ARHGEF40: variants seen among roughly 807,000 people sequenced by gnomAD.
The protein encoded by ARHGEF40 is Rho guanine nucleotide exchange factor (GEF) 40.
ARHGEF40 carries 98 observed loss-of-function variants against 165.9 expected under a neutral mutation model. The observed-to-expected ratio is 0.59, with a 90% confidence interval of 0.50 to 0.70. The LOEUF (loss-of-function observed/expected upper bound fraction) is 0.70, where lower values mean the gene tolerates loss of function less well. Ranked by LOEUF, ARHGEF40 falls within the 30% of genes least tolerant of loss-of-function variation. ARHGEF40 has a pLI of 0.00. For synonymous variants in ARHGEF40, 792 were observed against 814.3 expected (o/e 0.97, Z 0.47); for missense variants, 1,815 against 1,968.0 (o/e 0.92, Z 1.47).
Position 21,081,805 on chromosome 14 carries a change from G to A in ARHGEF40, c.2937G>A (p.Gln979=), listed in dbSNP as rs769604818. Residue 979 remains glutamine, a synonymous_variant, in exon 14 of 24, where the codon CAG becomes CAA. Transcript: ENST00000298694. Reference sequence around the variant, plus strand: ...ACGGTGCCAGCAGTGGAGGGGCCCAGTGGGGGCCCCGCAGCCCCTCGCCCA... The same window carrying A: ...ACGGTGCCAGCAGTGGAGGGGCCCAATGGGGGCCCCGCAGCCCCTCGCCCA... ...RADGASSGGA[Q]WGPRSPSPSL... is the part of the protein sequence containing the mutation. The A allele has an allele frequency of 7.5e-6, 12 of 1,602,446 alleles. No homozygotes were observed. The highest frequency in any genetic ancestry group is 1.0e-5 in the Non-Finnish European group (12 of 1,175,762).
intron 11 of ARHGEF40, 106 bp downstream of exon 11, chr14:21,079,116 T>C (rs1052219535): frequency 7.0e-7 from 1 of 1,428,212 alleles, no homozygotes; most frequent in African/African-American, 1.4e-5. Context: ...CCTGGCTTGG[T>C]TGAACGCCCC....
upstream of ARHGEF40, among the ~76,000 whole-genome samples, chr14:21,066,770 T>C (rs1886292547): frequency 6.6e-6 from 1 of 152,262 alleles, no homozygotes; most frequent in African/African-American, 2.4e-5. Flanking sequence ...TGGACCTTGA[T>C]GACACTTAGT....
chr14:21,081,926 G>C lies in ARHGEF40; in HGVS notation c.3058G>C (p.Gly1020Arg). ...APCGEDYEEE[G>R]PELAPEAEGR... ...ATGTGGAGAGGACTATGAGGAAGAG[G>C]GCCCTGAGCTGGCTCCAGAAGCAGA... is the stretch of plus-strand genomic sequence containing the variant. The change falls in exon 14 of 24, where the codon GGC becomes CGC. Residue 1020 changes from glycine (G) to arginine (R), a missense_variant. Physicochemically the swap from Gly to Arg is moderately radical, Grantham distance 125 (BLOSUM62 -2). Transcript: ENST00000298694. The C allele has an allele frequency of 6.2e-7, 1 of 1,612,384 alleles. No individual in the cohort carries two copies. The highest frequency in any genetic ancestry group is 1.1e-5 in the South Asian group (1 of 90,718).
the ARHGEF40 span, among the ~76,000 whole-genome samples, chr14:21,061,314 A>T: frequency 6.6e-6 from 1 of 152,214 alleles, no homozygotes; most frequent in Non-Finnish European, 1.5e-5. Flanking sequence ...GAGTGTGAAA[A>T]GCATTCAGAG....
rs1236067213 is a variant in ARHGEF40 at position 21,076,852 on chromosome 14, AG to A, written c.1999del (p.Asp667ThrfsTer8). 1.9e-6 allele frequency: 3 copies of A among 1,613,642 alleles called. No individual in the cohort carries two copies. The Admixed American group carries it at 5.0e-5, about 27-fold the overall frequency. On this transcript the variant is annotated frameshift_variant, in exon 8 of 24. Transcript: ENST00000298694. LOFTEE classifies it high-confidence loss of function. The stretch of plus-strand genomic sequence containing the variant: ...GCTGCAGTGGGAGTTAGGAGGTCAC[AG>A]GGACCCCTCTCCCAGTCACTGGGTA... The part of the protein sequence containing the change: ...EELQWELGGH[R>X]DPSPSHWVEI...
At position 21,090,060 on chromosome 14, in the gene ARHGEF40, GCAGA is replaced by G. The variant is rs1241296337; in HGVS notation, c.*1059_*1062del. ...AAAGAGGGAAGCAGGACATAGGTAG[GCAGA>G]CAGACACAGGGCCCTGTGCCTCAAG... is the stretch of plus-strand genomic sequence containing the variant. On this transcript the variant is annotated 3_prime_UTR_variant, in exon 24 of 24. Transcript: ENST00000298694. This position sits in a 1 kb window ranked among gnomAD's most constrained non-coding sequence, Gnocchi z 4.4. The G allele has an allele frequency of 9.8e-6, 3 of 305,448 alleles. No individual in the cohort carries two copies. The highest frequency in any genetic ancestry group is 2.2e-5 in the African/African-American group (1 of 45,628). 18.9% of individuals were successfully genotyped at this position (305,448 alleles called of 1,614,324 possible). A position where few individuals can be genotyped will look rare whatever the true frequency, so the allele number is the denominator to read the frequency against.
In ARHGEF40 at chr14:21,074,814, G is replaced by A. The variant is rs1367452248; in HGVS notation, c.1084G>A (p.Gly362Ser). The part of the protein sequence containing the change: ...PGELRGGGGG[G>S]QGAEGPPGTP... ...GGAGCTTAGAGGAGGAGGAGGAGGA[G>A]GCCAGGGGGCTGAAGGACCACCTGG... The change falls in exon 3 of 24, where the codon GGC becomes AGC. Residue 362 changes from glycine to serine, a missense_variant. By Grantham distance (56) the Gly-to-Ser change is moderately conservative (BLOSUM62 0). Transcript: ENST00000298694. The surrounding 1 kb of genome is among the most constrained non-coding windows in gnomAD (Gnocchi z 4.8). The A allele has an allele frequency of 1.2e-6, 2 of 1,606,114 alleles. No homozygotes were observed. Among genetic ancestry groups the A allele is most frequent in the Admixed American group, 3.4e-5 (2 of 58,660 alleles).
chr14:21,061,431 A>C, the ARHGEF40 span, among the ~76,000 whole-genome samples: 4 of 152,268 alleles, frequency 2.6e-5, no homozygotes, highest in Admixed American at 2.6e-4. Context: ...GATGGCGTGT[A>C]ACTGGAATCT....
rs1286206553 is a variant in ARHGEF40 at position 21,070,892 on chromosome 14, C to T, written c.3+493C>T. 1 of 1,534,250 alleles carries T rather than the reference C, an allele frequency of 6.5e-7. No homozygotes were observed. ...GGTGAGGCAGGCCCACCCATCCGGCCCTAGGGGACTGGCCACAGCTGTGGC... is the reference window on the plus strand; with the variant it reads ...GGTGAGGCAGGCCCACCCATCCGGCTCTAGGGGACTGGCCACAGCTGTGGC... On this transcript the variant is annotated intron_variant, in intron 1 of 23. Transcript: ENST00000298694. This position sits in a 1 kb window ranked among gnomAD's most constrained non-coding sequence, Gnocchi z 4.7.
At chr14:21,076,978 T>C in intron 8 of ARHGEF40, 88 bp downstream of exon 8, 11 of 1,138,064 alleles carry the variant, frequency 9.7e-6, no homozygotes, top group Non-Finnish European at 1.3e-5. Context: ...GTCCAGGACA[T>C]ACCATGAGGT....
At position 21,080,985 on chromosome 14, in the gene ARHGEF40, G is replaced by A. The variant is rs200438221; in HGVS notation, c.2609G>A (p.Arg870Gln). The change falls in exon 13 of 24, where the codon CGG becomes CAG. Residue 870 changes from arginine (R) to glutamine (Q), a missense_variant. Coordinates refer to ENST00000298694, the MANE Select transcript of ARHGEF40 (RefSeq NM_018071.5). ...GAGCAGGTTGAGAGTGGCCTCCATC[G>A]GGCCCTGCGGCTACAGCGCTTCTTC... ...RLEQVESGLHRALRLQRFFQQ... is the reference protein window; with the variant it reads ...RLEQVESGLHQALRLQRFFQQ... The A allele has an allele frequency of 3.3e-5, 53 of 1,613,946 alleles. No individual in the cohort carries two copies. The highest frequency in any genetic ancestry group is 1.6e-4 in the Middle Eastern group (1 of 6,080).
Position 21,078,819 on chromosome 14 carries a change from A to G in ARHGEF40, c.2247-65A>G. On this transcript the variant is annotated intron_variant, in intron 10 of 23. Transcript: ENST00000298694. ...TCTCATGTTTGCATCCCTCAGAGGC[A>G]CGGAAGGACAGAATTGAGGGGCTCA... The G allele has an allele frequency of 1.9e-6, 3 of 1,580,512 alleles. No individual in the cohort carries two copies. The South Asian group carries it at 3.4e-5, about 18-fold the overall frequency.
chr14:21,080,519 T>C, intron 11 of ARHGEF40, 141 bp from the exon 12 acceptor site: 2 of 953,522 alleles, frequency 2.1e-6, no homozygotes, highest in Non-Finnish European at 3.0e-6. Context: ...CCATTCACTG[T>C]TGTCATTCCC....
At chr14:21,079,367 T>C (rs1887692965) in intron 11 of ARHGEF40, among the ~76,000 whole-genome samples, 1 of 152,174 alleles carries the variant, frequency 6.6e-6, no homozygotes, top group African/African-American at 2.4e-5. Flanking sequence ...TCATTAGTTA[T>C]ACTGCCACAC....
Position 21,074,032 on chromosome 14 carries a change from G to A in ARHGEF40, c.302G>A (p.Arg101His), listed in dbSNP as rs750379537. Residue 101 changes from arginine (R) to histidine (H), a missense_variant, in exon 3 of 24, where the codon CGC (arginine) becomes CAC (histidine). By Grantham distance (29) the Arg-to-His change is conservative (BLOSUM62 0). Coordinates refer to ENST00000298694, the MANE Select transcript of ARHGEF40 (RefSeq NM_018071.5). The surrounding 1 kb of genome is among the most constrained non-coding windows in gnomAD (Gnocchi z 4.8). ...QLAALPWQLL[R>H]PGDFYLQVVP... ...GCAGCCCTACCCTGGCAACTGCTGC[G>A]CCCAGGAGACTTCTATCTGCAGGTG... 39 of 1,613,914 alleles carry A rather than the reference G, an allele frequency of 2.4e-5. No individual in the cohort carries two copies. Among genetic ancestry groups the A allele is most frequent in the Admixed American group, 6.7e-5 (4 of 60,000 alleles).
chr14:21,078,584 G>T, intron 10 of ARHGEF40, 96 bp downstream of exon 10: 1 of 1,264,726 alleles, frequency 7.9e-7, no homozygotes, highest in South Asian at 1.5e-5. Context: ...CATTCTTACT[G>T]TGCATGTATC....
chr14:21,083,696 T>G (rs1594575774), intron 16 of ARHGEF40, 139 bp from the exon 17 acceptor site: 1 of 702,774 alleles, frequency 1.4e-6, no homozygotes, highest in Non-Finnish European at 2.3e-6. Flanking sequence ...GGGAGAATGG[T>G]TTTGCCTTAC....
At chr14:21,079,243 A>G (rs1887682003) in intron 11 of ARHGEF40, among the ~76,000 whole-genome samples, 1 of 152,236 alleles carries the variant, frequency 6.6e-6, no homozygotes, top group South Asian at 2.1e-4. Context: ...TTGATCGAAA[A>G]TGCTGAGAGA....
At chr14:21,062,708 A>AGTGTGTGTGTGTGTGTGTGTGTGTGTGT in the ARHGEF40 span, among the ~76,000 whole-genome samples, 390 of 131,030 alleles carry the variant, frequency 3.0e-3, 5 homozygotes, top group East Asian at 0.012. Context: ...GGCTGGGCAC[A>AGTGTGTGTGTGTGTGTGTGTGTGTGTGT]GTGTGTGTGT....
Sources: allele counts gnomAD v4.1 joint callset (sites outside exome capture counted in the v4.1 genomes callset), GRCh38; gene constraint gnomAD v4.1.1; non-coding constraint Gnocchi (gnomAD v3.1); transcripts MANE v1.5; gene names NCBI Gene and HGNC (gene_info 2026-07-23, HGNC 2026-07-21).